The following LYN variants were observed in gnomAD, a reference collection of about 807,000 sequenced individuals.
LYN encodes LYN proto-oncogene, Src family tyrosine kinase.
LYN carries 12 observed loss-of-function variants against 65.0 expected under a neutral mutation model. That is an observed-to-expected ratio of 0.18 (90% confidence interval 0.12 to 0.30). The LOEUF (loss-of-function observed/expected upper bound fraction) is 0.30. LYN is among the 10% of genes least tolerant of loss of function. LYN has a pLI of 1.00. For missense variants in LYN, 380 were observed against 623.2 expected, an observed-to-expected ratio of 0.61 and a Z score of 4.16; for synonymous variants, 222 against 221.2, an observed-to-expected ratio of 1.00 and a Z score of -0.03.
chr8:55,944,182 T>G (rs1232764198), intron 2 of LYN, among the ~76,000 whole-genome samples: 1 of 152,138 alleles, frequency 6.6e-6, no homozygotes, highest in East Asian at 1.9e-4. Context: ...ATTTTATATA[T>G]AGAAAATATA....
At chr8:55,942,395 GTATATATGTGTA>G (rs1252420527) in intron 2 of LYN, among the ~76,000 whole-genome samples, 1 of 130,682 alleles carries the variant, frequency 7.7e-6, no homozygotes, top group East Asian at 2.1e-4. Flanking sequence ...ATATATATGT[GTATATATGTGTA>G]TATATATGTG....
At chr8:55,970,176 T>C (rs1807573126) in intron 10 of LYN, among the ~76,000 whole-genome samples, 1 of 152,240 alleles carries the variant, frequency 6.6e-6, no homozygotes, top group South Asian at 2.1e-4. Context: ...GAATCGAATG[T>C]ATGGATACTT....
chr8:55,977,130 A>G (rs181693346), intron 10 of LYN, among the ~76,000 whole-genome samples: 2 of 152,152 alleles, frequency 1.3e-5, no homozygotes, highest in Non-Finnish European at 2.9e-5. Context: ...GATTGCAGTG[A>G]GCCAAGATCG....
chr8:55,880,403 G>A (rs1427007277), intron 1 of LYN, among the ~76,000 whole-genome samples: 1 of 149,348 alleles, frequency 6.7e-6, no homozygotes, highest in Admixed American at 6.6e-5. Context: ...GCGCGGGGGC[G>A]GGCTCACCGC....
chr8:55,946,758 C>A (rs937082827), intron 3 of LYN, among the ~76,000 whole-genome samples: 2 of 152,148 alleles, frequency 1.3e-5, no homozygotes, highest in Non-Finnish European at 2.9e-5. Context: ...GCCTCCTCCC[C>A]CAGCCGCTGG....
chr8:56,011,780 T>C lies in LYN; in HGVS notation c.*1670T>C, dbSNP rs1808824215. 2 of 183,984 alleles carry C rather than the reference T, an allele frequency of 1.1e-5. No homozygotes were observed. Among genetic ancestry groups the C allele is most frequent in the Admixed American group, 6.2e-5 (1 of 16,048 alleles). 11.4% of individuals were successfully genotyped at this position (183,984 alleles called of 1,614,324 possible). A position where few individuals can be genotyped will look rare whatever the true frequency, so the allele number is the denominator to read the frequency against. On this transcript the variant is annotated 3_prime_UTR_variant, in exon 13 of 13. Coordinates refer to ENST00000519728, the MANE Select transcript of LYN (RefSeq NM_002350.4). ...TAAAATTATTGATTCACAAGTGCCA[T>C]GTTCAGAACTATAGAATATTACTGT...
chr8:55,911,527 A>G (rs745661836), intron 1 of LYN, among the ~76,000 whole-genome samples: 7 of 151,800 alleles, frequency 4.6e-5, no homozygotes, highest in Non-Finnish European at 8.8e-5. Flanking sequence ...TCTCCTGGTG[A>G]CCCTGAACTC....
chr8:56,002,102 A>G (rs1445887448), intron 12 of LYN, among the ~76,000 whole-genome samples: 2 of 152,186 alleles, frequency 1.3e-5, no homozygotes, highest in Non-Finnish European at 2.9e-5. Flanking sequence ...CCAACATGGC[A>G]AAACCCCATC....
intron 1 of LYN, among the ~76,000 whole-genome samples, chr8:55,929,745 T>A (rs181131260): frequency 1.3e-5 from 2 of 152,190 alleles, no homozygotes; most frequent in African/African-American, 4.8e-5. Context: ...CACAGAACTG[T>A]CCTCTAGAAC....
At chr8:55,985,000 AT>A (rs1487318083) in intron 10 of LYN, among the ~76,000 whole-genome samples, 1 of 152,254 alleles carries the variant, frequency 6.6e-6, no homozygotes, top group East Asian at 1.9e-4. Flanking sequence ...GTTAGCAGTC[AT>A]TAAGGACTAG....
chr8:55,890,098 G>A (rs1804909630), intron 1 of LYN, among the ~76,000 whole-genome samples: 1 of 100,392 alleles, frequency 1.0e-5, no homozygotes, highest in South Asian at 3.3e-4. Flanking sequence ...GCAATAAAGT[G>A]AGAACCTGCC....
intron 1 of LYN, among the ~76,000 whole-genome samples, chr8:55,906,484 G>A (rs1805423789): frequency 6.6e-6 from 1 of 152,062 alleles, no homozygotes; most frequent in Non-Finnish European, 1.5e-5. Flanking sequence ...AGCCTCCCAA[G>A]TAGCTGGGAT....
intron 2 of LYN, 101 bp from the exon 3 acceptor site, chr8:55,946,347 A>G: frequency 1.3e-6 from 1 of 787,046 alleles, no homozygotes. Flanking sequence ...AAATGAGCCC[A>G]TCCTAACATC....
chr8:55,988,115 T>C (rs1035518161), intron 10 of LYN, among the ~76,000 whole-genome samples: 1 of 152,218 alleles, frequency 6.6e-6, no homozygotes, highest in Non-Finnish European at 1.5e-5. Flanking sequence ...CTCTGTTCCA[T>C]CCCTTTCCTC....
intron 1 of LYN, among the ~76,000 whole-genome samples, chr8:55,912,068 CA>C (rs1805654434): frequency 6.6e-6 from 1 of 152,084 alleles, no homozygotes; most frequent in African/African-American, 2.4e-5. Flanking sequence ...GAGAGAGGAA[CA>C]ACTTAGAGCA....
chr8:56,010,116 A>G lies in LYN; in HGVS notation c.*6A>G, dbSNP rs2130604751. ...AATACCAGCAGCAGCCTTAGAGCAC[A>G]GGGAGACCCGTCCATTTGGCAGGGG... On this transcript the variant is annotated 3_prime_UTR_variant, in exon 13 of 13. Transcript: ENST00000519728. The G allele has an allele frequency of 1.2e-6, 2 of 1,614,036 alleles. No homozygotes were observed. Among genetic ancestry groups the G allele is most frequent in the East Asian group, 2.2e-5 (1 of 44,886 alleles).
chr8:55,910,056 G>A (rs1433356527), intron 1 of LYN, among the ~76,000 whole-genome samples: 1 of 148,576 alleles, frequency 6.7e-6, no homozygotes, highest in Non-Finnish European at 1.5e-5. Context: ...GTCCTCTGTC[G>A]AAGGCATAGT....
intron 1 of LYN, among the ~76,000 whole-genome samples, chr8:55,887,591 C>A (rs1447607965): frequency 9.1e-6 from 1 of 109,660 alleles, no homozygotes; most frequent in Non-Finnish European, 1.9e-5. Flanking sequence ...CACACACACA[C>A]ACACACACAC....
chr8:55,902,724 A>G (rs1805306455), intron 1 of LYN: 2 of 487,890 alleles, frequency 4.1e-6, no homozygotes, highest in Admixed American at 2.3e-5. Flanking sequence ...AGCATGGCAA[A>G]ATGTTACAGG....
Sources: allele counts gnomAD v4.1 joint callset (sites outside exome capture counted in the v4.1 genomes callset), GRCh38; gene constraint gnomAD v4.1.1; transcripts MANE v1.5; gene names NCBI Gene and HGNC (gene_info 2026-07-23, HGNC 2026-07-21).